Variants in RSBN1L observed in about 807,000 individuals in gnomAD.
RSBN1L encodes the protein round spermatid basic protein 1 like, also known as lysine-specific demethylase RSBN1L.
In RSBN1L, 30 loss-of-function variants were observed where a neutral mutation model predicts 67.7. That is an observed-to-expected ratio of 0.44 (90% confidence interval 0.33 to 0.60). The LOEUF is 0.60. Ranked by LOEUF, RSBN1L falls within the 20% of genes least tolerant of loss-of-function variation. RSBN1L has a pLI of 0.02. For synonymous variants in RSBN1L, 433 were observed against 387.0 expected (o/e 1.12, Z -1.39); for missense variants, 992 against 1,031.7 (o/e 0.96, Z 0.53).
At chr7:77,753,145 G>A (rs939399829) in intron 3 of RSBN1L, among the ~76,000 whole-genome samples, 2 of 152,168 alleles carry the variant, frequency 1.3e-5, no homozygotes, top group African/African-American at 4.8e-5. Flanking sequence ...ATATGTATGT[G>A]TTTCTTTTGA....
At chr7:77,752,734 T>A (rs1791570099) in intron 3 of RSBN1L, among the ~76,000 whole-genome samples, 1 of 152,222 alleles carries the variant, frequency 6.6e-6, no homozygotes, top group Non-Finnish European at 1.5e-5. Flanking sequence ...CCCATGATTT[T>A]AAAAAGCCAA....
In RSBN1L at chr7:77,750,254, GT is replaced by G. The variant is rs1006597083; in HGVS notation, c.1344+199del. Among the ~76,000 whole-genome samples, 8 of 90,726 alleles carry G rather than the reference GT, an allele frequency of 8.8e-5. No homozygotes were observed. In the South Asian group the frequency reaches 1.1e-3, roughly 13 times the overall value. The allele number at this position is 90,726 out of a possible 152,430, so 59.5% of individuals were successfully genotyped here. On this transcript the variant is annotated intron_variant, in intron 3 of 7. Coordinates refer to ENST00000334955, the MANE Select transcript of RSBN1L (RefSeq NM_198467.3). ...TAAAATTCAATTTTCACTTATGTAT[GT>G]TTTTTTTTAAAGACAATTAATGAAA...
At chr7:77,755,519 AG>A (rs1791605347) in intron 3 of RSBN1L, among the ~76,000 whole-genome samples, 1 of 152,078 alleles carries the variant, frequency 6.6e-6, no homozygotes, top group Non-Finnish European at 1.5e-5. Context: ...TACAAAAATT[AG>A]CTGGGCATGG....
At chr7:77,709,647 TAAGCA>T (rs1790946964) in intron 1 of RSBN1L, among the ~76,000 whole-genome samples, 1 of 152,124 alleles carries the variant, frequency 6.6e-6, no homozygotes, top group Non-Finnish European at 1.5e-5. Flanking sequence ...AGTTCCTAGG[TAAGCA>T]ATTAACTGTT....
chr7:77,770,657 G>T (rs1418925566), intron 5 of RSBN1L, among the ~76,000 whole-genome samples: 1 of 151,972 alleles, frequency 6.6e-6, no homozygotes. Context: ...CTCCAGCCTG[G>T]GTGACAGAAC....
chr7:77,767,306 A>G lies in RSBN1L; in HGVS notation c.1483-1355A>G, dbSNP rs1210191401. On this transcript the variant is annotated intron_variant, in intron 4 of 7. Coordinates refer to ENST00000334955, the MANE Select transcript of RSBN1L (RefSeq NM_198467.3). ...TGTGGTGAAATTTTTTTTTTTTTTA[A>G]TTTTGTTCTCAACATTCCATGGACA... is the stretch of plus-strand genomic sequence containing the variant. Among the ~76,000 whole-genome samples, 4 of 144,964 alleles carry G rather than the reference A, an allele frequency of 2.8e-5. No homozygotes were observed. The South Asian group carries it at 8.7e-4, about 32-fold the overall frequency.
intron 3 of RSBN1L, among the ~76,000 whole-genome samples, chr7:77,757,292 T>C (rs1791632331): frequency 6.6e-6 from 1 of 152,250 alleles, no homozygotes; most frequent in African/African-American, 2.4e-5. Flanking sequence ...GTTTTGGAAT[T>C]CTTTTTACTT....
At chr7:77,768,922 T>C (rs1328960904) in intron 5 of RSBN1L, 119 bp downstream of exon 5, 1 of 829,604 alleles carries the variant, frequency 1.2e-6, no homozygotes, top group Non-Finnish European at 1.9e-6. Context: ...GGAATATAAA[T>C]TTAAAAATAG....
In RSBN1L at chr7:77,779,269, C is replaced by A; in HGVS notation, c.*101C>A. On this transcript the variant is annotated 3_prime_UTR_variant, in exon 8 of 8. Coordinates refer to ENST00000334955, the MANE Select transcript of RSBN1L (RefSeq NM_198467.3). ...CAAGGACTTGCTCCTATGTCTGTTACAAAACATAGTTTATGTAGCTTTGTA... is the reference window on the plus strand; with the variant it reads ...CAAGGACTTGCTCCTATGTCTGTTAAAAAACATAGTTTATGTAGCTTTGTA... 1.2e-6 allele frequency: 1 copy of A among 814,282 alleles called. No individual in the cohort carries two copies. Among genetic ancestry groups the A allele is most frequent in the Non-Finnish European group, 1.9e-6 (1 of 521,048 alleles). The allele number at this position is 814,282 out of a possible 1,614,324, so 50.4% of individuals were successfully genotyped here.
intron 1 of RSBN1L, among the ~76,000 whole-genome samples, chr7:77,716,597 A>G (rs955336765): frequency 1.6e-5 from 2 of 124,364 alleles, no homozygotes; most frequent in African/African-American, 6.2e-5. Flanking sequence ...TTATCTTTGT[A>G]CTTAAAAGCT....
chr7:77,773,141 A>T lies in RSBN1L; in HGVS notation c.1626-6A>T. On this transcript the variant is annotated splice_polypyrimidine_tract_variant and splice_region_variant and intron_variant, in intron 5 of 7. Coordinates refer to ENST00000334955, the MANE Select transcript of RSBN1L (RefSeq NM_198467.3). The stretch of plus-strand genomic sequence containing the variant: ...ATAAATGTAATTTTCTTTTTTTAAA[A>T]AACAGAACTACCAATGAAATAAAAA... 6.5e-7 allele frequency: 1 copy of T among 1,541,204 alleles called. No homozygotes were observed. The highest frequency in any genetic ancestry group is 8.8e-7 in the Non-Finnish European group (1 of 1,140,934).
chr7:77,751,080 C>T (rs1354775306), intron 3 of RSBN1L, among the ~76,000 whole-genome samples: 1 of 152,100 alleles, frequency 6.6e-6, no homozygotes, highest in East Asian at 1.9e-4. Flanking sequence ...CACATGTACC[C>T]CGCCCCCAAT....
At chr7:77,715,901 C>T (rs941276342) in intron 1 of RSBN1L, among the ~76,000 whole-genome samples, 47 of 152,230 alleles carry the variant, frequency 3.1e-4, no homozygotes, top group African/African-American at 1.1e-3. Flanking sequence ...CTATATATAT[C>T]TCTTTGATGA....
intron 6 of RSBN1L, among the ~76,000 whole-genome samples, chr7:77,776,585 A>G (rs1791917657): frequency 6.6e-6 from 1 of 152,216 alleles, no homozygotes; most frequent in Non-Finnish European, 1.5e-5. Context: ...TATTCCATAT[A>G]GTTTGAAGCT....
chr7:77,771,073 C>CT (rs1318805915), intron 5 of RSBN1L, among the ~76,000 whole-genome samples: 1 of 152,150 alleles, frequency 6.6e-6, no homozygotes, highest in African/African-American at 2.4e-5. Context: ...TCCCGAGTAG[C>CT]TGGGACTACA....
chr7:77,781,183 A>G lies in RSBN1L; in HGVS notation c.*2015A>G, dbSNP rs917123885. 6.6e-6 allele frequency: 1 copy of G among 152,240 alleles called. No individual in the cohort carries two copies. Among genetic ancestry groups the G allele is most frequent in the African/African-American group, 2.4e-5 (1 of 41,474 alleles). The allele number at this position is 152,240 out of a possible 1,614,324, so 9.4% of individuals were successfully genotyped here. A position where few individuals can be genotyped will look rare whatever the true frequency, so the allele number is the denominator to read the frequency against. On this transcript the variant is annotated 3_prime_UTR_variant, in exon 8 of 8. Coordinates refer to ENST00000334955, the MANE Select transcript of RSBN1L (RefSeq NM_198467.3). The stretch of plus-strand genomic sequence containing the variant: ...TAGTTTAATAAAAGGATAGGCAAAT[A>G]TCATAGGAAATCTTCATGGTTTGTA...
At chr7:77,761,610 T>C (rs1791698041) in intron 3 of RSBN1L, among the ~76,000 whole-genome samples, 2 of 152,210 alleles carry the variant, frequency 1.3e-5, no homozygotes, top group African/African-American at 4.8e-5. Flanking sequence ...GTGGATTTTA[T>C]TCTTACATTT....
rs1359276408 is a variant in RSBN1L, at chr7:77,768,696, A to C, written c.1518A>C (p.Lys506Asn). ...TLPWGTLSSL[K>N]LQSRKDSDDG... Reference sequence around the variant, plus strand: ...CATGGGGGACGCTATCTAGTCTAAAATTACAGAGTCGAAAAGATAGTGATG... The same window carrying C: ...CATGGGGGACGCTATCTAGTCTAAACTTACAGAGTCGAAAAGATAGTGATG... The change falls in exon 5 of 8, where the codon AAA becomes AAC. Residue 506 changes from lysine to asparagine, a missense_variant. Around this residue, in one of 7 missense-constraint regions of RSBN1L, gnomAD observed 67 missense variants for 130.5 expected, o/e 0.51. Transcript: ENST00000334955. 2 of 1,613,952 alleles carry C rather than the reference A, an allele frequency of 1.2e-6. No homozygotes were observed. The highest frequency in any genetic ancestry group is 1.7e-6 in the Non-Finnish European group (2 of 1,179,812).
At chr7:77,698,131 G>A (rs1476442474) in intron 1 of RSBN1L, among the ~76,000 whole-genome samples, 1 of 152,218 alleles carries the variant, frequency 6.6e-6, no homozygotes, top group Non-Finnish European at 1.5e-5. Flanking sequence ...ATAATGGTTT[G>A]TTTTCACAAC....
Sources: allele counts gnomAD v4.1 joint callset (sites outside exome capture counted in the v4.1 genomes callset), GRCh38; gene constraint gnomAD v4.1.1; regional missense constraint gnomAD v4.1.1; transcripts MANE v1.5; gene names NCBI Gene and HGNC (gene_info 2026-07-23, HGNC 2026-07-21).